Variants in TXLNB observed in about 807,000 individuals in gnomAD.
The protein encoded by TXLNB is taxilin beta.
In TXLNB, 37 loss-of-function variants were observed where a neutral mutation model predicts 57.4. The observed-to-expected ratio is 0.64, with a 90% CI of 0.50 to 0.85. TXLNB has a LOEUF of 0.85. TXLNB is among the 40% of genes least tolerant of loss of function. The probability of loss-of-function intolerance (pLI) is 0.00; values close to 1 mark genes in which losing one functional copy is unlikely to be tolerated. For synonymous variants in TXLNB, 302 were observed against 309.6 expected (o/e 0.98, Z 0.26); for missense variants, 848 against 825.6 (o/e 1.03, Z -0.33).
chr6:139,194,245 T>A, the TXLNB span, among the ~76,000 whole-genome samples: 1 of 152,216 alleles, frequency 6.6e-6, no homozygotes, highest in Non-Finnish European at 1.5e-5. Context: ...CTAGCCCATC[T>A]TCTCACATTC....
the TXLNB span, among the ~76,000 whole-genome samples, chr6:139,207,064 G>A: frequency 6.6e-6 from 1 of 152,118 alleles, no homozygotes; most frequent in Admixed American, 6.5e-5. Context: ...GACAGCAGTA[G>A]GCAGATCATC....
At chr6:139,313,747 A>G in the TXLNB span, among the ~76,000 whole-genome samples, 1 of 152,064 alleles carries the variant, frequency 6.6e-6, no homozygotes, top group Non-Finnish European at 1.5e-5. Context: ...ATAAGATTTT[A>G]TTTTTTTCAC....
the TXLNB span, among the ~76,000 whole-genome samples, chr6:139,308,581 T>G: frequency 6.6e-6 from 1 of 152,218 alleles, no homozygotes; most frequent in Non-Finnish European, 1.5e-5. Flanking sequence ...AACCACACTA[T>G]TGTGTATGGA....
chr6:139,248,287 A>AG (rs1470888621), intron 7 of TXLNB, among the ~76,000 whole-genome samples: 1 of 151,794 alleles, frequency 6.6e-6, no homozygotes, highest in East Asian at 1.9e-4. Flanking sequence ...AAAAAAAAAA[A>AG]AAGTTTGAGA....
At chr6:139,261,901 C>CTTTT (rs759412856) in intron 5 of TXLNB, among the ~76,000 whole-genome samples, 12 of 117,878 alleles carry the variant, frequency 1.0e-4, no homozygotes, top group Admixed American at 1.8e-4. Flanking sequence ...AATACAGACT[C>CTTTT]TTTTTTTTTT....
chr6:139,217,631 G>A, the TXLNB span, among the ~76,000 whole-genome samples: 5 of 152,006 alleles, frequency 3.3e-5, no homozygotes, highest in Admixed American at 2.6e-4. Flanking sequence ...CACTTTGGGA[G>A]GCCAAGGAGG....
In TXLNB at chr6:139,291,634, C is replaced by G. The variant is rs535579654; in HGVS notation, c.-15+287G>C. On this transcript the variant is annotated intron_variant, in intron 1 of 9. Coordinates refer to ENST00000358430, the MANE Select transcript of TXLNB (RefSeq NM_153235.4). ...TCAGAGAACTTTGTTACTTTTCAAT[C>G]ATCCATTTTATATTATGTGGCAAAG... Among the ~76,000 whole-genome samples, 8 of 152,300 alleles carry G rather than the reference C, an allele frequency of 5.3e-5. No individual in the cohort carries two copies. In the South Asian group the frequency reaches 1.5e-3, roughly 28 times the overall value.
chr6:139,260,468 T>C, intron 5 of TXLNB, 31 bp from the exon 6 acceptor site: 1 of 1,604,636 alleles, frequency 6.2e-7, no homozygotes, highest in Non-Finnish European at 8.5e-7. Context: ...ATAGAAAGCT[T>C]GGTTTATTAT....
At chr6:139,197,354 T>C in the TXLNB span, among the ~76,000 whole-genome samples, 1 of 82,518 alleles carries the variant, frequency 1.2e-5, no homozygotes, top group African/African-American at 7.1e-5. Context: ...GCAAGCTCCA[T>C]GCAGACAGTG....
intron 4 of TXLNB, among the ~76,000 whole-genome samples, chr6:139,264,925 TAGAA>T (rs1265193735): frequency 6.6e-6 from 1 of 152,172 alleles, no homozygotes; most frequent in Non-Finnish European, 1.5e-5. Context: ...AGTCCATTGT[TAGAA>T]GGATTTTCAA....
At chr6:139,296,803 C>T (rs1463035409), upstream of TXLNB, among the ~76,000 whole-genome samples, 2 of 152,076 alleles carry the variant, frequency 1.3e-5, no homozygotes, top group African/African-American at 4.8e-5. Flanking sequence ...GTCGCAGCTA[C>T]TTGGAAGACA....
downstream of TXLNB, among the ~76,000 whole-genome samples, chr6:139,239,866 T>G (rs1775886709): frequency 6.6e-6 from 1 of 150,914 alleles, no homozygotes; most frequent in African/African-American, 2.5e-5. This position sits in a 1 kb window ranked among gnomAD's most constrained non-coding sequence, Gnocchi z 4.7. Flanking sequence ...TCTCTGTCTG[T>G]CACATACACA....
the TXLNB span, among the ~76,000 whole-genome samples, chr6:139,317,950 T>C: frequency 6.6e-6 from 1 of 151,858 alleles, no homozygotes; most frequent in African/African-American, 2.4e-5. Context: ...CATCAGATGA[T>C]CTAAACAGCA....
intron 7 of TXLNB, among the ~76,000 whole-genome samples, chr6:139,250,877 A>G (rs2114462536): frequency 6.6e-6 from 1 of 152,288 alleles, no homozygotes; most frequent in South Asian, 2.1e-4. Context: ...CTCAGGTTTG[A>G]TTGTCTTCAC....
At chr6:139,295,377 G>A (rs559324278), upstream of TXLNB, among the ~76,000 whole-genome samples, 2 of 152,262 alleles carry the variant, frequency 1.3e-5, no homozygotes, top group South Asian at 4.1e-4. Flanking sequence ...CACGTCTAAG[G>A]CTTTGAACTT....
Position 139,242,284 on chromosome 6 carries a change from T to C in TXLNB, c.*242A>G. ...AATATAAATTTGCTATCTGTATGTT[T>C]TGTTGCCCTTTGGGAAAATTATACT... On this transcript the variant is annotated 3_prime_UTR_variant, in exon 10 of 10. Coordinates refer to ENST00000358430, the MANE Select transcript of TXLNB (RefSeq NM_153235.4). 2.7e-6 allele frequency: 1 copy of C among 364,972 alleles called. No individual in the cohort carries two copies. Among genetic ancestry groups the C allele is most frequent in the Non-Finnish European group, 4.9e-6 (1 of 206,010 alleles). The allele number at this position is 364,972 out of a possible 1,614,324, so 22.6% of individuals were successfully genotyped here.
chr6:139,318,249 G>A, the TXLNB span, among the ~76,000 whole-genome samples: 1 of 125,702 alleles, frequency 8.0e-6, no homozygotes, highest in Non-Finnish European at 1.6e-5. Context: ...CAGCCTGAGT[G>A]ACAGAGTGAG....
upstream of TXLNB, among the ~76,000 whole-genome samples, chr6:139,293,571 C>T (rs1352216768): frequency 1.3e-5 from 2 of 151,962 alleles, no homozygotes; most frequent in African/African-American, 2.4e-5. Context: ...CAAAGAAATT[C>T]GTTTTGGATT....
At position 139,270,345 on chromosome 6, in the gene TXLNB, T is replaced by C. The variant is rs1027395657; in HGVS notation, c.687+111A>G. 7 of 1,076,334 alleles carry C rather than the reference T, an allele frequency of 6.5e-6. No individual in the cohort carries two copies. In the East Asian group the frequency reaches 9.9e-5, roughly 15 times the overall value. The allele number at this position is 1,076,334 out of a possible 1,614,324, so 66.7% of individuals were successfully genotyped here. A position where few individuals can be genotyped will look rare whatever the true frequency, so the allele number is the denominator to read the frequency against. The stretch of plus-strand genomic sequence containing the variant: ...AGCAAGCAAGGGGCAGAGGCAGTAT[T>C]TGAACCCAAGCCTCTCTGATTCTAA... On this transcript the variant is annotated intron_variant, in intron 4 of 9. Coordinates refer to ENST00000358430, the MANE Select transcript of TXLNB (RefSeq NM_153235.4).
Sources: allele counts gnomAD v4.1 joint callset (sites outside exome capture counted in the v4.1 genomes callset), GRCh38; gene constraint gnomAD v4.1.1; non-coding constraint Gnocchi (gnomAD v3.1); transcripts MANE v1.5; gene names NCBI Gene and HGNC (gene_info 2026-07-23, HGNC 2026-07-21).